GFI1B: variants seen among roughly 807,000 people sequenced by gnomAD.
GFI1B encodes zinc finger protein Gfi-1b.
In GFI1B, 20 loss-of-function variants were observed where a neutral mutation model predicts 35.3. The ratio of observed to expected loss-of-function variants is 0.57; its 90% CI spans 0.40 to 0.82. The LOEUF is 0.82. Among genes scored for constraint, GFI1B ranks in the 40% least tolerant of loss-of-function variants. The pLI is 0.00. For synonymous variants in GFI1B, 178 were observed against 177.6 expected, an observed-to-expected ratio of 1.00 and a Z score of -0.02; for missense variants, 430 against 446.3, an observed-to-expected ratio of 0.96 and a Z score of 0.33.
intron 1 of GFI1B, among the ~76,000 whole-genome samples, chr9:132,948,489 G>A (rs1324061198): frequency 6.6e-6 from 1 of 152,248 alleles, no homozygotes; most frequent in Non-Finnish European, 1.5e-5. Context: ...GATGTGGTGG[G>A]ATTCAGAGGC....
chr9:132,969,993 C>A (rs1025335035), intron 1 of GFI1B, among the ~76,000 whole-genome samples: 5 of 152,162 alleles, frequency 3.3e-5, no homozygotes, highest in African/African-American at 1.2e-4. Context: ...TGCTGGAGGG[C>A]TCCCTGGTGT....
chr9:132,991,948 G>T (rs548828987), downstream of GFI1B, among the ~76,000 whole-genome samples: 4 of 152,258 alleles, frequency 2.6e-5, no homozygotes, highest in South Asian at 4.1e-4. Flanking sequence ...TCCTGTGGCT[G>T]CTGTGACAAA....
chr9:132,977,961 G>A (rs1225365435), upstream of GFI1B, among the ~76,000 whole-genome samples: 1 of 152,110 alleles, frequency 6.6e-6, no homozygotes, highest in Non-Finnish European at 1.5e-5. Context: ...GGTCATATCT[G>A]GGGGAAATGC....
intron 1 of GFI1B, among the ~76,000 whole-genome samples, chr9:132,954,919 A>G (rs1848260513): frequency 6.6e-6 from 1 of 152,062 alleles, no homozygotes; most frequent in African/African-American, 2.4e-5. Flanking sequence ...GAGTTTCACT[A>G]TGTTGGCCAG....
chr9:132,988,663 C>T (rs143673939), intron 4 of GFI1B, among the ~76,000 whole-genome samples, 195 bp downstream of exon 4: 2 of 152,310 alleles, frequency 1.3e-5, no homozygotes, highest in East Asian at 1.9e-4. Flanking sequence ...AATTGACAGG[C>T]ATGAGTGCCA....
At chr9:132,950,913 C>T (rs531092480) in intron 1 of GFI1B, among the ~76,000 whole-genome samples, 14 of 152,208 alleles carry the variant, frequency 9.2e-5, no homozygotes, top group African/African-American at 3.4e-4. Flanking sequence ...ACATGGCTCA[C>T]TGCAGCCTTG....
chr9:132,974,756 A>C (rs537817365), upstream of GFI1B, among the ~76,000 whole-genome samples: 5 of 152,188 alleles, frequency 3.3e-5, 1 homozygote, highest in South Asian at 6.2e-4. Flanking sequence ...TGCAGAAGTA[A>C]CATTTCCGCT....
chr9:132,989,615 G>A lies in GFI1B; in HGVS notation c.649-127G>A, dbSNP rs1272544162. The A allele has an allele frequency of 1.5e-6, 1 of 687,876 alleles. No homozygotes were observed. Among genetic ancestry groups the A allele is most frequent in the Non-Finnish European group, 2.5e-6 (1 of 396,536 alleles). 42.6% of individuals were successfully genotyped at this position (687,876 alleles called of 1,614,324 possible). Reference sequence around the variant, plus strand: ...GCCCCAGTTTCACCTCAGAGGCAGAGATGAGGGGTCCCCCGGTCCTGCTCC... The same window carrying A: ...GCCCCAGTTTCACCTCAGAGGCAGAAATGAGGGGTCCCCCGGTCCTGCTCC... On this transcript the variant is annotated intron_variant, in intron 5 of 6. Transcript: ENST00000372122. This position sits in a 1 kb window ranked among gnomAD's most constrained non-coding sequence, Gnocchi z 6.2.
At chr9:132,952,407 C>T (rs1848215051) in intron 1 of GFI1B, 1 of 152,106 alleles carries the variant, frequency 6.6e-6, no homozygotes, top group Non-Finnish European at 1.5e-5. Context: ...TCTCGAATTC[C>T]CAGGCTCAAG....
In GFI1B at chr9:132,987,277, C is replaced by G. The variant is rs768680077; in HGVS notation, c.101-5C>G. 6.2e-7 allele frequency: 1 copy of G among 1,613,722 alleles called. No individual in the cohort carries two copies. The highest frequency in any genetic ancestry group is 1.1e-5 in the South Asian group (1 of 90,966). On this transcript the variant is annotated splice_region_variant and splice_polypyrimidine_tract_variant and intron_variant, in intron 2 of 6. Coordinates refer to ENST00000372122, the MANE Select transcript of GFI1B (RefSeq NM_001377304.1). ...ATTGATGCTGATGGTCCTATCTCCC[C>G]ACAGTGCCCAGAGACCAGGCTCCAA... is the stretch of plus-strand genomic sequence containing the variant.
intron 1 of GFI1B, among the ~76,000 whole-genome samples, chr9:132,955,117 T>C (rs1304484344): frequency 6.8e-6 from 1 of 147,504 alleles, no homozygotes; most frequent in Non-Finnish European, 1.5e-5. Flanking sequence ...TAGATCCAAG[T>C]TTGCATCTGG....
chr9:132,958,016 CGTCTGA>C (rs1292409128), intron 1 of GFI1B, among the ~76,000 whole-genome samples: 3 of 152,160 alleles, frequency 2.0e-5, no homozygotes, highest in African/African-American at 7.2e-5. Flanking sequence ...GGATAATCAA[CGTCTGA>C]GTCATAACCA....
At chr9:132,961,886 C>T (rs1564524984) in intron 1 of GFI1B, among the ~76,000 whole-genome samples, 2 of 152,128 alleles carry the variant, frequency 1.3e-5, no homozygotes, top group African/African-American at 4.8e-5. Flanking sequence ...CCACCGCACC[C>T]GGCCAAAATT....
rs926499914 is a variant in GFI1B, at chr9:132,978,854, G to A, written c.-21+13G>A. The A allele has an allele frequency of 3.9e-5, 6 of 152,264 alleles. No homozygotes were observed. Among genetic ancestry groups the A allele is most frequent in the African/African-American group, 1.4e-4 (6 of 41,432 alleles). 9.4% of individuals were successfully genotyped at this position (152,264 alleles called of 1,614,324 possible). A position where few individuals can be genotyped will look rare whatever the true frequency, so the allele number is the denominator to read the frequency against. ...CAGCTCCGGACAGGTGAGTGCTGGA[G>A]GATGCGTTTCTACGCTTTTGTTTTG... On this transcript the variant is annotated intron_variant, in intron 1 of 6. Transcript: ENST00000372122.
chr9:132,968,626 G>T (rs1442934411), intron 1 of GFI1B, among the ~76,000 whole-genome samples: 1 of 151,952 alleles, frequency 6.6e-6, no homozygotes, highest in Non-Finnish European at 1.5e-5. Context: ...ATATTTGAAG[G>T]TCAAAATATA....
At chr9:132,987,551 G>C in intron 3 of GFI1B, 132 bp downstream of exon 3, 5 of 1,025,580 alleles carry the variant, frequency 4.9e-6, no homozygotes, top group Non-Finnish European at 5.9e-6. Flanking sequence ...TGCAGCCCGG[G>C]CTCTGTGGCT....
upstream of GFI1B, among the ~76,000 whole-genome samples, chr9:132,974,601 CAA>C (rs11243966): frequency 2.2e-3 from 177 of 79,834 alleles, no homozygotes; most frequent in South Asian, 0.024. Context: ...GAATCCGTCT[CAA>C]AAAAAAAAAA....
chr9:132,976,994 G>C (rs1487111697), upstream of GFI1B, among the ~76,000 whole-genome samples: 1 of 152,136 alleles, frequency 6.6e-6, no homozygotes, highest in African/African-American at 2.4e-5. Flanking sequence ...TTTTGCTCTT[G>C]TTGCCCAGGC....
intron 1 of GFI1B, among the ~76,000 whole-genome samples, chr9:132,980,506 AT>A (rs1848786774): frequency 6.6e-6 from 1 of 152,156 alleles, no homozygotes; most frequent in African/African-American, 2.4e-5. Context: ...TTGTCTTTTT[AT>A]TTTGATAAAA....
Sources: gnomAD v4.1 joint callset for allele counts (sites outside exome capture counted in the v4.1 genomes callset) on GRCh38, gnomAD v4.1.1 for gene constraint, Gnocchi (gnomAD v3.1) non-coding constraint, MANE v1.5 for transcripts, NCBI Gene and HGNC (gene_info 2026-07-23, HGNC 2026-07-21) for gene names.